The following PRKN variants were observed in gnomAD, a reference collection of about 807,000 sequenced individuals.
The protein encoded by PRKN is parkin RBR E3 ubiquitin protein ligase, also known as E3 ubiquitin-protein ligase parkin.
In PRKN, 56 loss-of-function variants were observed where a neutral mutation model predicts 59.5. The observed-to-expected ratio is 0.94, with a 90% CI of 0.76 to 1.18. PRKN has a LOEUF of 1.18. PRKN is among the 50% of genes most tolerant of loss of function. The probability of loss-of-function intolerance (pLI) is 0.00; values close to 1 mark genes in which losing one functional copy is unlikely to be tolerated. For missense variants in PRKN, 657 were observed against 596.4 expected, an observed-to-expected ratio of 1.10 and a Z score of -1.06; for synonymous variants, 250 against 222.1, an observed-to-expected ratio of 1.13 and a Z score of -1.12.
chr6:162,342,727 GAC>G (rs1451065241), intron 2 of PRKN, among the ~76,000 whole-genome samples: 1 of 152,132 alleles, frequency 6.6e-6, no homozygotes, highest in Non-Finnish European at 1.5e-5. Context: ...TTTGCCGCAT[GAC>G]ACAGACATAG....
chr6:161,629,957 T>A (rs963523730), intron 7 of PRKN, among the ~76,000 whole-genome samples: 1 of 152,208 alleles, frequency 6.6e-6, no homozygotes, highest in African/African-American at 2.4e-5. Flanking sequence ...TAAGGGTTTG[T>A]GAAATGCTTT....
At chr6:161,494,950 C>T (rs992421) in intron 9 of PRKN, among the ~76,000 whole-genome samples, 78,927 of 152,014 alleles carry the variant, frequency 0.52, 22,732 homozygotes, top group African/African-American at 0.77. Flanking sequence ...CCCTCTACAC[C>T]GTTAAACGAT....
intron 4 of PRKN, among the ~76,000 whole-genome samples, chr6:162,110,127 T>G (rs1780361206): frequency 6.6e-6 from 1 of 152,180 alleles, no homozygotes; most frequent in South Asian, 2.1e-4. Context: ...ATAAAAGAAA[T>G]AAATTAATAT....
At chr6:162,624,078 G>A (rs1286417934) in intron 1 of PRKN, among the ~76,000 whole-genome samples, 6 of 148,848 alleles carry the variant, frequency 4.0e-5, no homozygotes, top group Non-Finnish European at 7.5e-5. Flanking sequence ...GTGAAACCCT[G>A]TCTCTACTAA....
At chr6:161,911,805 A>C (rs187665525) in intron 6 of PRKN, among the ~76,000 whole-genome samples, 3 of 152,208 alleles carry the variant, frequency 2.0e-5, no homozygotes, top group Non-Finnish European at 2.9e-5. Flanking sequence ...TTAGATCTCC[A>C]TTGTATTCCT....
chr6:162,026,899 TTATTGAGTCTACCG>T (rs1289075936), intron 5 of PRKN, among the ~76,000 whole-genome samples: 1 of 152,170 alleles, frequency 6.6e-6, no homozygotes, highest in Non-Finnish European at 1.5e-5. Flanking sequence ...AAGTTAATAT[TTATTGAGTCTACCG>T]TATGTGTAAT....
At chr6:162,058,962 A>C (rs1195127637) in intron 4 of PRKN, among the ~76,000 whole-genome samples, 11 of 151,546 alleles carry the variant, frequency 7.3e-5, no homozygotes, top group Admixed American at 7.2e-4. Context: ...AACAAGAAAA[A>C]AAAAAAAAAA....
chr6:161,739,899 T>C (rs923462820), intron 7 of PRKN, among the ~76,000 whole-genome samples: 3 of 151,974 alleles, frequency 2.0e-5, no homozygotes, highest in African/African-American at 7.2e-5. Flanking sequence ...AGATTACAGG[T>C]GCACACCACC....
intron 6 of PRKN, among the ~76,000 whole-genome samples, chr6:161,892,128 T>C (rs1047643493): frequency 1.3e-5 from 2 of 152,212 alleles, no homozygotes; most frequent in African/African-American, 4.8e-5. Flanking sequence ...TAAGTGCTTA[T>C]ATTTGAATAT....
intron 7 of PRKN, chr6:161,716,085 C>A (rs1786965031): frequency 7.4e-7 from 1 of 1,345,412 alleles, no homozygotes; most frequent in African/African-American, 1.5e-5. Flanking sequence ...CGACTCCTCT[C>A]CTGAATCCCC....
intron 7 of PRKN, among the ~76,000 whole-genome samples, chr6:161,743,500 C>T (rs981366805): frequency 4.6e-5 from 7 of 151,980 alleles, no homozygotes; most frequent in Non-Finnish European, 5.9e-5. Flanking sequence ...CCGCCTGCCT[C>T]GGCCTCCCAA....
chr6:161,876,727 T>G (rs1794745774), intron 6 of PRKN, among the ~76,000 whole-genome samples: 1 of 152,168 alleles, frequency 6.6e-6, no homozygotes, highest in Admixed American at 6.5e-5. Flanking sequence ...TTCTTTTATT[T>G]TCTACTATTA....
chr6:162,724,264 C>T (rs1779040949), intron 1 of PRKN, among the ~76,000 whole-genome samples: 1 of 152,244 alleles, frequency 6.6e-6, no homozygotes, highest in Non-Finnish European at 1.5e-5. Context: ...CTTCTCCACA[C>T]TTTCCACAAA....
chr6:161,827,678 T>TTTTC, intron 6 of PRKN, among the ~76,000 whole-genome samples: 1 of 151,998 alleles, frequency 6.6e-6, no homozygotes, highest in African/African-American at 2.4e-5. Flanking sequence ...GGGCTAATTT[T>TTTTC]TGTATTTTTA....
rs57031706 is a variant in PRKN, at chr6:161,636,174, G to T, written c.872-66758C>A. 4.8e-3 allele frequency among the ~76,000 whole-genome samples: 730 copies of T among 152,370 alleles called. 6 individuals are homozygous for T. Among genetic ancestry groups the T allele is most frequent in the African/African-American group, 0.017 (710 of 41,590 alleles). On this transcript the variant is annotated intron_variant, in intron 7 of 11. Transcript: ENST00000366898. ...ACTGTGCTGGGCATGTGATGTGCTG[G>T]GCACATGACAGCACTCACTATGTCA...
At chr6:162,399,378 G>T (rs545962168) in intron 2 of PRKN, among the ~76,000 whole-genome samples, 8 of 152,200 alleles carry the variant, frequency 5.3e-5, no homozygotes, top group African/African-American at 1.2e-4. Context: ...GCAAGGCCAC[G>T]GTTGGAAGAA....
chr6:162,476,238 A>G lies in PRKN; in HGVS notation c.8-32765T>C, dbSNP rs570196287. On this transcript the variant is annotated intron_variant, in intron 1 of 11. Coordinates refer to ENST00000366898, the MANE Select transcript of PRKN (RefSeq NM_004562.3). ...ACGCCCTACTTATTTTTATTTATTT[A>G]TTTATGTATTTTTAGTAGATACGGG... is the stretch of plus-strand genomic sequence containing the variant. Among the ~76,000 whole-genome samples the G allele has an allele frequency of 9.2e-5, 14 of 151,366 alleles. No homozygotes were observed. The East Asian group carries it at 2.6e-3, about 28-fold the overall frequency.
Position 161,973,290 on chromosome 6 carries a change from T to G in PRKN, c.734+12A>C. 1 of 1,566,636 alleles carries G rather than the reference T, an allele frequency of 6.4e-7. No individual in the cohort carries two copies. Among genetic ancestry groups the G allele is most frequent in the Non-Finnish European group, 8.8e-7 (1 of 1,136,548 alleles). On this transcript the variant is annotated intron_variant, in intron 6 of 11. Transcript: ENST00000366898. ...TCCGTGGAGGGAAGTGACACTATTT[T>G]TAGATCCTTACCTGACGTCTGTGCA...
chr6:162,618,127 T>C (rs1782507211), intron 1 of PRKN, among the ~76,000 whole-genome samples: 1 of 152,194 alleles, frequency 6.6e-6, no homozygotes, highest in South Asian at 2.1e-4. Context: ...TACTATTACA[T>C]GCCTCTTTCT....
Sources: gnomAD v4.1 joint callset for allele counts (sites outside exome capture counted in the v4.1 genomes callset) on GRCh38, gnomAD v4.1.1 for gene constraint, MANE v1.5 for transcripts, NCBI Gene and HGNC (gene_info 2026-07-23, HGNC 2026-07-21) for gene names.